ADAM12: variants seen among roughly 807,000 people sequenced by gnomAD.
The protein encoded by ADAM12 is disintegrin and metalloproteinase domain-containing protein 12.
Under a neutral mutation model 106.4 loss-of-function variants are expected in ADAM12, and 70 were observed. The observed-to-expected ratio is 0.66, with a 90% confidence interval of 0.54 to 0.80. The LOEUF (loss-of-function observed/expected upper bound fraction) is 0.80. Among genes scored for constraint, ADAM12 ranks in the 30% least tolerant of loss-of-function variants. ADAM12 has a pLI of 0.00. For synonymous variants in ADAM12, 420 were observed against 433.5 expected, an observed-to-expected ratio of 0.97 and a Z score of 0.39; for missense variants, 1,010 against 1,171.9, an observed-to-expected ratio of 0.86 and a Z score of 2.02.
At chr10:126,297,883 C>T (rs1328718451) in intron 2 of ADAM12, among the ~76,000 whole-genome samples, 1 of 152,056 alleles carries the variant, frequency 6.6e-6, no homozygotes, top group Non-Finnish European at 1.5e-5. Flanking sequence ...GGCCAAAAAA[C>T]CTCACCAGAA....
rs1290120830 is a variant in ADAM12 at position 126,014,631 on chromosome 10, CAAACTT to C, written c.*2642_*2647del. 4 of 152,164 alleles carry C rather than the reference CAAACTT, an allele frequency of 2.6e-5. 1 individual carries two copies. The South Asian group carries it at 6.2e-4, about 24-fold the overall frequency. The allele number at this position is 152,164 out of a possible 1,614,324, so 9.4% of individuals were successfully genotyped here. A position where few individuals can be genotyped will look rare whatever the true frequency, so the allele number is the denominator to read the frequency against. ...CATCTGATTACATGTGTCAGGAAAACAAACTTAAAAAATTTCAGGAGACAAACCTTT... is the reference window on the plus strand; with the variant it reads ...CATCTGATTACATGTGTCAGGAAAACAAAAAATTTCAGGAGACAAACCTTT... On this transcript the variant is annotated 3_prime_UTR_variant, in exon 23 of 23. Transcript: ENST00000448723.
chr10:126,212,304 T>G (rs1032700088), intron 3 of ADAM12, among the ~76,000 whole-genome samples: 1 of 152,230 alleles, frequency 6.6e-6, no homozygotes, highest in African/African-American at 2.4e-5. Context: ...AATTAGAATT[T>G]GGAAACAAGA....
In ADAM12 at chr10:126,015,469, C is replaced by A. The variant is rs1564987472; in HGVS notation, c.*1810G>T. On this transcript the variant is annotated 3_prime_UTR_variant, in exon 23 of 23. Transcript: ENST00000448723. ...GTATGTATCTCAGCAGTATTATTTT[C>A]CAGCATGGCTTTACATTTTAAAGAA... The A allele has an allele frequency of 6.6e-6, 1 of 152,166 alleles. No homozygotes were observed. Among genetic ancestry groups the A allele is most frequent in the Non-Finnish European group, 1.5e-5 (1 of 68,030 alleles). 9.4% of individuals were successfully genotyped at this position (152,166 alleles called of 1,614,324 possible).
Position 126,036,193 on chromosome 10 carries a change from C to A in ADAM12, c.2482G>T (p.Val828Phe). Residue 828 changes from valine to phenylalanine, a missense_variant, in exon 21 of 23, where the codon GTC becomes TTC. By Grantham distance (50) the Val-to-Phe change is conservative (BLOSUM62 -1). Transcript: ENST00000448723. ...TTGGCTGGCAGGGGTCTGGCAGGGA[C>A]GCTAGGTGCACGTGGAGCCCGGTGG... ...PLHRAPRAPS[V>F]PARPLPAKPA... 1 of 1,536,504 alleles carries A rather than the reference C, an allele frequency of 6.5e-7. No homozygotes were observed. The highest frequency in any genetic ancestry group is 1.3e-5 in the South Asian group (1 of 79,692).
intron 3 of ADAM12, among the ~76,000 whole-genome samples, chr10:126,173,998 T>A (rs1348677811): frequency 6.7e-6 from 1 of 149,648 alleles, no homozygotes; most frequent in Non-Finnish European, 1.5e-5. Context: ...TCCAGATTCA[T>A]CTGTTGTTGA....
chr10:126,290,214 T>C (rs1335181823), intron 2 of ADAM12, among the ~76,000 whole-genome samples: 5 of 152,176 alleles, frequency 3.3e-5, no homozygotes, highest in Non-Finnish European at 2.9e-5. Context: ...ACCATGTTCC[T>C]ACCACCACAT....
chr10:126,167,497 AG>A (rs1267209293), intron 3 of ADAM12, among the ~76,000 whole-genome samples: 2 of 152,236 alleles, frequency 1.3e-5, no homozygotes, highest in East Asian at 3.8e-4. Flanking sequence ...CAAAACTGAA[AG>A]GAACAACGAG....
intron 3 of ADAM12, among the ~76,000 whole-genome samples, chr10:126,218,048 C>A (rs373081107): frequency 6.6e-6 from 1 of 151,420 alleles, no homozygotes; most frequent in Non-Finnish European, 1.5e-5. Flanking sequence ...GGAAGTATAA[C>A]GTAAATAAGG....
At chr10:126,075,434 T>G (rs556496280) in intron 11 of ADAM12, among the ~76,000 whole-genome samples, 39 of 152,232 alleles carry the variant, frequency 2.6e-4, no homozygotes, top group African/African-American at 9.4e-4. Context: ...TTTGGGGATA[T>G]GGGAATGAAG....
intron 2 of ADAM12, 46 bp from the exon 3 acceptor site, chr10:126,279,034 A>T (rs1959420797): frequency 6.9e-7 from 1 of 1,448,580 alleles, no homozygotes; most frequent in Non-Finnish European, 9.7e-7. Context: ...CTTGGCTTTG[A>T]TTTGCAAATA....
chr10:126,366,133 TA>T (rs945139063), intron 1 of ADAM12, among the ~76,000 whole-genome samples: 10 of 151,948 alleles, frequency 6.6e-5, no homozygotes, highest in Admixed American at 1.3e-4. Context: ...CAAATATGTA[TA>T]AAAAAATCTA....
intron 3 of ADAM12, among the ~76,000 whole-genome samples, chr10:126,240,529 A>C (rs543752918): frequency 6.6e-6 from 1 of 152,354 alleles, no homozygotes; most frequent in Non-Finnish European, 1.5e-5. Context: ...AGAAAATGCT[A>C]GGAAAGACTG....
rs752015649 is a variant in ADAM12, at chr10:126,066,803, A to C, written c.1327T>G (p.Cys443Gly). The C allele has an allele frequency of 3.1e-6, 5 of 1,613,892 alleles. No individual in the cohort carries two copies. The highest frequency in any genetic ancestry group is 4.2e-6 in the Non-Finnish European group (5 of 1,179,750). The change falls in exon 13 of 23, where the codon TGT becomes GGT. Residue 443 changes from cysteine to glycine, a missense_variant. By Grantham distance (159) the Cys-to-Gly change is radical. Transcript: ENST00000448723. This position sits in a 1 kb window ranked among gnomAD's most constrained non-coding sequence, Gnocchi z 5.1. ...EECDCGEPEE[C>G]MNRCCNATTC... ...GTGGCATTGCAGCAGCGATTCATAC[A>C]TTCCTGGAAAGGGGAATGGCATTTG...
At chr10:126,351,602 C>T (rs569744489) in intron 1 of ADAM12, among the ~76,000 whole-genome samples, 1 of 152,278 alleles carries the variant, frequency 6.6e-6, no homozygotes, top group African/African-American at 2.4e-5. Flanking sequence ...TTGGACCTCC[C>T]ACATGCTACA....
intron 3 of ADAM12, among the ~76,000 whole-genome samples, chr10:126,221,864 C>A (rs1471798374): frequency 6.6e-6 from 1 of 152,234 alleles, no homozygotes; most frequent in Non-Finnish European, 1.5e-5. Context: ...AGCTGTCACT[C>A]ATTAAACGTG....
Position 126,019,823 on chromosome 10 carries a change from C to T in ADAM12, c.2532G>A (p.Gly844=), listed in dbSNP as rs1440743981. 6.2e-7 allele frequency: 1 copy of T among 1,613,014 alleles called. No homozygotes were observed. The highest frequency in any genetic ancestry group is 8.5e-7 in the Non-Finnish European group (1 of 1,179,500). Reference sequence around the variant, plus strand: ...TCTGAGGGGGGTTTGGCTTACAGGTCCCCTGCAATAAACATAGGGTTAGGC... The same window carrying T: ...TCTGAGGGGGGTTTGGCTTACAGGTTCCCTGCAATAAACATAGGGTTAGGC... ...PAKPALRQAQ[G]TCKPNPPQKP... is the part of the protein sequence containing the mutation. Residue 844 remains glycine, a splice_region_variant and synonymous_variant, in exon 22 of 23, where the codon GGG becomes GGA. Coordinates refer to ENST00000448723, the MANE Select transcript of ADAM12 (RefSeq NM_001288973.2).
rs142409328 is a variant in ADAM12, at chr10:126,348,235, GCA to G, written c.89-17728_89-17727del. Among the ~76,000 whole-genome samples, 1,241 of 152,328 alleles carry G rather than the reference GCA, an allele frequency of 8.1e-3. 21 individuals are homozygous for G. The highest frequency in any genetic ancestry group is 0.028 in the African/African-American group (1,182 of 41,578). On this transcript the variant is annotated intron_variant, in intron 1 of 22. Coordinates refer to ENST00000448723, the MANE Select transcript of ADAM12 (RefSeq NM_001288973.2). ...TTAGACTGCATCCTGCCTACTGGGAGCACAGAGTCTGGTAAAGAAGACGGAAA... is the reference window on the plus strand; with the variant it reads ...TTAGACTGCATCCTGCCTACTGGGAGCAGAGTCTGGTAAAGAAGACGGAAA...
intron 5 of ADAM12, among the ~76,000 whole-genome samples, chr10:126,125,496 G>A (rs1457292352): frequency 6.6e-6 from 1 of 151,998 alleles, no homozygotes; most frequent in Non-Finnish European, 1.5e-5. Flanking sequence ...GCCAGCCTCG[G>A]CCTCCCAAAG....
chr10:126,050,439 C>T (rs1406802786), intron 14 of ADAM12, among the ~76,000 whole-genome samples: 1 of 152,222 alleles, frequency 6.6e-6, no homozygotes, highest in African/African-American at 2.4e-5. Flanking sequence ...GACTATTGAG[C>T]AAGTCAAGAA....
Sources: allele counts gnomAD v4.1 joint callset (sites outside exome capture counted in the v4.1 genomes callset), GRCh38; gene constraint gnomAD v4.1.1; non-coding constraint Gnocchi (gnomAD v3.1); transcripts MANE v1.5; gene names NCBI Gene and HGNC (gene_info 2026-07-23, HGNC 2026-07-21).